Variants in GRIA1 observed in about 807,000 individuals in gnomAD.
GRIA1 encodes the protein glutamate ionotropic receptor AMPA type subunit 1.
In GRIA1, 31 loss-of-function variants were observed where a neutral mutation model predicts 99.2. The ratio of observed to expected loss-of-function variants is 0.31; its 90% CI spans 0.23 to 0.42. The LOEUF (loss-of-function observed/expected upper bound fraction) is 0.42, where lower values mean the gene tolerates loss of function less well. Among genes scored for constraint, GRIA1 ranks in the 10% least tolerant of loss-of-function variants. The probability of loss-of-function intolerance (pLI) is 1.00; values close to 1 mark genes in which losing one functional copy is unlikely to be tolerated. For synonymous variants in GRIA1, 438 were observed against 432.4 expected (o/e 1.01, Z -0.16); for missense variants, 782 against 1,157.5 (o/e 0.68, Z 4.71).
chr5:153,747,765 A>G (rs1202368076), intron 11 of GRIA1, among the ~76,000 whole-genome samples: 1 of 152,094 alleles, frequency 6.6e-6, no homozygotes, highest in Non-Finnish European at 1.5e-5. Context: ...AACCTTTCCA[A>G]AGTTTTCCCA....
chr5:153,638,171 C>T (rs544692334), intron 2 of GRIA1, among the ~76,000 whole-genome samples: 2 of 152,156 alleles, frequency 1.3e-5, no homozygotes, highest in South Asian at 2.1e-4. Context: ...TTATGGGAAC[C>T]CTTCAAAGGG....
chr5:153,646,551 A>G (rs1754163160), intron 2 of GRIA1, among the ~76,000 whole-genome samples: 2 of 152,208 alleles, frequency 1.3e-5, no homozygotes, highest in African/African-American at 4.8e-5. Flanking sequence ...TCTAGCCTCA[A>G]TAGGGTCATT....
intron 2 of GRIA1, chr5:153,525,072 T>C (rs1223344124): frequency 6.6e-6 from 1 of 152,236 alleles, no homozygotes. Context: ...ACATCACCTA[T>C]TGAATTCCAG....
At chr5:153,495,264 G>T (rs1754302510) in intron 2 of GRIA1, among the ~76,000 whole-genome samples, 1 of 152,170 alleles carries the variant, frequency 6.6e-6, no homozygotes, top group East Asian at 1.9e-4. Flanking sequence ...ACTGACTACA[G>T]CCCATGTAAT....
chr5:153,587,153 A>G (rs1188024773), intron 2 of GRIA1, among the ~76,000 whole-genome samples: 3 of 152,012 alleles, frequency 2.0e-5, no homozygotes, highest in Non-Finnish European at 4.4e-5. Flanking sequence ...GCCTAGTGGG[A>G]GGTGTGTGGG....
chr5:153,561,512 G>A (rs1043071304), intron 2 of GRIA1, among the ~76,000 whole-genome samples: 6 of 152,152 alleles, frequency 3.9e-5, no homozygotes, highest in Admixed American at 6.6e-5. Flanking sequence ...CTGGACAAGT[G>A]TCTGTGATGT....
chr5:153,512,410 A>G (rs13174063), intron 2 of GRIA1, among the ~76,000 whole-genome samples: 4,215 of 152,302 alleles, frequency 0.028, 71 homozygotes, highest in South Asian at 0.042. Flanking sequence ...AAAAACTTAG[A>G]CTTGGATTTC....
Position 153,650,462 on chromosome 5 carries a change from G to A in GRIA1, c.593G>A (p.Arg198Gln), listed in dbSNP as rs201244963. 3.3e-5 allele frequency: 54 copies of A among 1,613,974 alleles called. No homozygotes were observed. The African/African-American group carries it at 4.5e-4, about 14-fold the overall frequency. ...LFQDLEKKKE[R>Q]LVVVDCESER... is the part of the protein sequence containing the mutation. Reference sequence around the variant, plus strand: ...CAGGACCTGGAGAAGAAAAAGGAGCGGCTGGTGGTGGTGGACTGTGAATCA... The same window carrying A: ...CAGGACCTGGAGAAGAAAAAGGAGCAGCTGGTGGTGGTGGACTGTGAATCA... The change falls in exon 4 of 16, where the codon CGG becomes CAG. Residue 198 changes from arginine to glutamine, a missense_variant. Coordinates refer to ENST00000285900, the MANE Select transcript of GRIA1 (RefSeq NM_000827.4).
rs899755269 is a variant in GRIA1, at chr5:153,677,246, A to G, written c.1029+85A>G. On this transcript the variant is annotated intron_variant, in intron 7 of 15. Coordinates refer to ENST00000285900, the MANE Select transcript of GRIA1 (RefSeq NM_000827.4). ...ATTCCAATAAAACACAGCTATTCTA[A>G]AGAAAAGGAAGAAAATGCCTGAAGT... 3 of 1,114,844 alleles carry G rather than the reference A, an allele frequency of 2.7e-6. No homozygotes were observed. In the East Asian group the frequency reaches 9.1e-5, roughly 34 times the overall value. The allele number at this position is 1,114,844 out of a possible 1,614,324, so 69.1% of individuals were successfully genotyped here. A position where few individuals can be genotyped will look rare whatever the true frequency, so the allele number is the denominator to read the frequency against.
intron 2 of GRIA1, among the ~76,000 whole-genome samples, chr5:153,558,317 T>C (rs958247302): frequency 1.3e-5 from 2 of 152,232 alleles, no homozygotes; most frequent in African/African-American, 4.8e-5. Context: ...TATAGTCATT[T>C]AACCACCATT....
chr5:153,725,271 C>T (rs1162960697), intron 11 of GRIA1, among the ~76,000 whole-genome samples: 2 of 151,648 alleles, frequency 1.3e-5, no homozygotes, highest in Non-Finnish European at 2.9e-5. Flanking sequence ...AAGGAACAAC[C>T]AGTACCAGCC....
chr5:153,592,732 C>G (rs1017778687), intron 2 of GRIA1, among the ~76,000 whole-genome samples: 21 of 152,094 alleles, frequency 1.4e-4, no homozygotes. Context: ...GCTGCTATAA[C>G]AAATACTATA....
chr5:153,806,802 T>A (rs185840367), intron 15 of GRIA1, among the ~76,000 whole-genome samples: 55 of 152,352 alleles, frequency 3.6e-4, no homozygotes, highest in African/African-American at 1.2e-3. Context: ...TCATTAACCA[T>A]GCAATAAGTT....
At chr5:153,621,293 T>C (rs1477894554) in intron 2 of GRIA1, among the ~76,000 whole-genome samples, 1 of 152,162 alleles carries the variant, frequency 6.6e-6, no homozygotes, top group Non-Finnish European at 1.5e-5. Context: ...AAAACATCAG[T>C]AACCATCTGA....
At chr5:153,683,070 C>T (rs1011759117) in intron 7 of GRIA1, among the ~76,000 whole-genome samples, 1 of 152,172 alleles carries the variant, frequency 6.6e-6, no homozygotes, top group Non-Finnish European at 1.5e-5. Context: ...TGCCTGGGCT[C>T]CATCAATCTG....
At chr5:153,653,892 C>T (rs1045817889) in intron 4 of GRIA1, among the ~76,000 whole-genome samples, 8 of 152,030 alleles carry the variant, frequency 5.3e-5, no homozygotes, top group African/African-American at 1.5e-4. Context: ...ATTAAGGATA[C>T]GAACAATCAG....
rs995242118 is a variant in GRIA1 at position 153,716,806 on chromosome 5, C to T, written c.1823+10739C>T. 1.3e-5 allele frequency among the ~76,000 whole-genome samples: 2 copies of T among 152,142 alleles called. 1 individual carries two copies. The highest frequency in any genetic ancestry group is 4.8e-5 in the African/African-American group (2 of 41,428). ...ATGAGGAAATAGAGTCAGAAGTGACCTTAAAATTGTGACTGTGAGAGAGAT... is the reference window on the plus strand; with the variant it reads ...ATGAGGAAATAGAGTCAGAAGTGACTTTAAAATTGTGACTGTGAGAGAGAT... On this transcript the variant is annotated intron_variant, in intron 11 of 15. Transcript: ENST00000285900.
intron 2 of GRIA1, among the ~76,000 whole-genome samples, chr5:153,600,391 CAA>C (rs57395601): frequency 1.8e-3 from 92 of 51,464 alleles, no homozygotes; most frequent in South Asian, 2.4e-3. Flanking sequence ...GACTCCATCT[CAA>C]AAAAAAAAAA....
At chr5:153,676,235 A>G (rs1756575848) in intron 6 of GRIA1, among the ~76,000 whole-genome samples, 1 of 152,334 alleles carries the variant, frequency 6.6e-6, no homozygotes, top group African/African-American at 2.4e-5. Context: ...TCGTTCTTCA[A>G]TTCTCTATTG....
Sources: allele counts gnomAD v4.1 joint callset (sites outside exome capture counted in the v4.1 genomes callset), GRCh38; gene constraint gnomAD v4.1.1; transcripts MANE v1.5; gene names NCBI Gene and HGNC (gene_info 2026-07-23, HGNC 2026-07-21).